Variants in STIM1 observed in about 807,000 individuals in gnomAD.
The protein encoded by STIM1 is stromal interaction molecule 1.
A neutral mutation model predicts 74.7 loss-of-function variants in STIM1; 25 were observed. That is an observed-to-expected ratio of 0.33 (90% CI 0.24 to 0.47). STIM1 has a LOEUF of 0.47. Among genes scored for constraint, STIM1 ranks in the 20% least tolerant of loss-of-function variants. The pLI is 1.00. For synonymous variants in STIM1, 328 were observed against 348.8 expected (o/e 0.94, Z 0.66); for missense variants, 728 against 920.8 (o/e 0.79, Z 2.71).
intron 4 of STIM1, 50 bp downstream of exon 4, chr11:4,055,687 G>A (rs1248648024): frequency 2.1e-6 from 3 of 1,417,168 alleles, no homozygotes; most frequent in East Asian, 2.5e-5. Context: ...GGAATGGGCT[G>A]GAGTGGGCCT....
At chr11:3,963,965 A>G (rs1459202524) in intron 1 of STIM1, among the ~76,000 whole-genome samples, 1 of 152,256 alleles carries the variant, frequency 6.6e-6, no homozygotes, top group African/African-American at 2.4e-5. Context: ...CTGGGGGTAA[A>G]GAAGGATACT....
At chr11:4,025,143 T>C (rs1478357917) in intron 3 of STIM1, among the ~76,000 whole-genome samples, 1 of 152,194 alleles carries the variant, frequency 6.6e-6, no homozygotes, top group Non-Finnish European at 1.5e-5. Context: ...AAAGCATTAG[T>C]CTAAGGTAGA....
chr11:3,945,844 T>G (rs2093066028), intron 1 of STIM1, among the ~76,000 whole-genome samples: 1 of 152,188 alleles, frequency 6.6e-6, no homozygotes, highest in Non-Finnish European at 1.5e-5. Context: ...TGGCAACTGC[T>G]TAGCTTCTAG....
At chr11:3,950,004 CT>C (rs955304696) in intron 1 of STIM1, among the ~76,000 whole-genome samples, 2 of 152,140 alleles carry the variant, frequency 1.3e-5, no homozygotes, top group African/African-American at 4.8e-5. Context: ...GAATTTTATC[CT>C]TTCAAAAATG....
chr11:3,969,752 A>G (rs1271047786), intron 2 of STIM1, among the ~76,000 whole-genome samples: 1 of 152,236 alleles, frequency 6.6e-6, no homozygotes, highest in East Asian at 1.9e-4. Context: ...CCACAGAACA[A>G]AAAGTTGGAA....
At chr11:3,938,062 T>A (rs1275727972) in intron 1 of STIM1, among the ~76,000 whole-genome samples, 1 of 151,770 alleles carries the variant, frequency 6.6e-6, no homozygotes, top group Non-Finnish European at 1.5e-5. Context: ...GCCTCCCGAG[T>A]AGCTGGGTTT....
At chr11:3,947,918 G>A (rs2093099234) in intron 1 of STIM1, among the ~76,000 whole-genome samples, 1 of 152,190 alleles carries the variant, frequency 6.6e-6, no homozygotes, top group Non-Finnish European at 1.5e-5. Flanking sequence ...GTATGTAGAA[G>A]TGATCAACAT....
Position 3,856,293 on chromosome 11 carries a change from C to A in STIM1, c.23C>A (p.Ala8Asp). The A allele has an allele frequency of 1.2e-6, 2 of 1,614,176 alleles. No individual in the cohort carries two copies. The highest frequency in any genetic ancestry group is 1.7e-6 in the Non-Finnish European group (2 of 1,180,038). MDVCVRL[A>D]LWLLWGLLLH... ...GTCATGGATGTATGCGTCCGTCTTG[C>A]CCTGTGGCTCCTCTGGGGACTCCTC... Residue 8 changes from alanine (A) to aspartate (D), a missense_variant, in exon 1 of 13, where the codon GCC (alanine) becomes GAC (aspartate). This residue lies in a region of STIM1 where 62 missense variants were observed against 55.5 expected (regional missense o/e 1.12). Transcript: ENST00000526596.
chr11:4,024,050 A>C (rs1013082583), intron 3 of STIM1, 63 bp downstream of exon 3: 3 of 1,398,380 alleles, frequency 2.1e-6, no homozygotes, highest in African/African-American at 2.8e-5. Context: ...AGAAGCAGCA[A>C]CTTGGCCTTA....
Position 4,066,483 on chromosome 11 carries a change from C to T in STIM1, c.614-3543C>T, listed in dbSNP as rs182860057. On this transcript the variant is annotated intron_variant, in intron 5 of 12. Coordinates refer to ENST00000526596, the MANE Select transcript of STIM1 (RefSeq NM_001382567.1). Reference sequence around the variant, plus strand: ...ACCCTGTGCTAAGAGTATGGGGCTACAGAGATATAAATAAACCTTGTGCCC... The same window carrying T: ...ACCCTGTGCTAAGAGTATGGGGCTATAGAGATATAAATAAACCTTGTGCCC... Among the ~76,000 whole-genome samples the T allele has an allele frequency of 2.0e-5, 3 of 152,226 alleles. No homozygotes were observed. The East Asian group carries it at 5.8e-4, about 29-fold the overall frequency.
chr11:3,869,453 C>T (rs113556978), intron 1 of STIM1, among the ~76,000 whole-genome samples: 11,623 of 152,144 alleles, frequency 0.076, 606 homozygotes, highest in Middle Eastern at 0.18. Flanking sequence ...ATCAGAGAAG[C>T]TTTGTAGAGG....
chr11:4,007,046 C>T (rs2093789146), intron 2 of STIM1, among the ~76,000 whole-genome samples: 1 of 152,174 alleles, frequency 6.6e-6, no homozygotes, highest in Non-Finnish European at 1.5e-5. Context: ...CTCCCCTCTT[C>T]TCTGCTCCCA....
intron 1 of STIM1, among the ~76,000 whole-genome samples, chr11:3,913,956 T>A (rs1360019419): frequency 1.3e-5 from 2 of 151,988 alleles, no homozygotes; most frequent in African/African-American, 2.4e-5. Context: ...TTTTTTATTA[T>A]TTTTTTTGGT....
chr11:3,960,919 G>A (rs1446351251), intron 1 of STIM1, among the ~76,000 whole-genome samples: 3 of 152,010 alleles, frequency 2.0e-5, no homozygotes, highest in Non-Finnish European at 4.4e-5. Context: ...ACATTAATAT[G>A]TAAGAGATTT....
chr11:3,890,798 T>TA (rs1322928721), intron 1 of STIM1, among the ~76,000 whole-genome samples: 5 of 152,230 alleles, frequency 3.3e-5, no homozygotes, highest in African/African-American at 1.2e-4. Context: ...AGTGCTTTCC[T>TA]GATTTTGCTT....
intron 2 of STIM1, among the ~76,000 whole-genome samples, chr11:4,003,761 T>G (rs1444791580): frequency 6.6e-6 from 1 of 152,090 alleles, no homozygotes; most frequent in African/African-American, 2.4e-5. Context: ...AAGAAAGAAA[T>G]AAAGGGTATT....
chr11:4,007,310 C>T (rs1046812522), intron 2 of STIM1, among the ~76,000 whole-genome samples: 3 of 152,112 alleles, frequency 2.0e-5, no homozygotes, highest in Non-Finnish European at 2.9e-5. Context: ...ATAGTAAATC[C>T]CTTTGGTGGG....
intron 1 of STIM1, chr11:3,868,050 C>T (rs998533526): frequency 6.6e-6 from 1 of 152,150 alleles, no homozygotes; most frequent in Non-Finnish European, 1.5e-5. Flanking sequence ...GAGCTGGCTT[C>T]TGAAATACAG....
chr11:3,993,059 T>G (rs2093630257), intron 2 of STIM1, among the ~76,000 whole-genome samples: 1 of 135,460 alleles, frequency 7.4e-6, no homozygotes, highest in African/African-American at 2.7e-5. Context: ...GCTAGAGAGC[T>G]TTTTTGAAAA....
Sources: gnomAD v4.1 joint callset for allele counts (sites outside exome capture counted in the v4.1 genomes callset) on GRCh38, gnomAD v4.1.1 for gene constraint, gnomAD v4.1.1 regional missense constraint, MANE v1.5 for transcripts, NCBI Gene and HGNC (gene_info 2026-07-23, HGNC 2026-07-21) for gene names.